The following EXPH5 variants were observed in gnomAD, a reference collection of about 807,000 sequenced individuals.
The protein encoded by EXPH5 is exophilin 5, also known as exophilin-5.
Under a neutral mutation model 41.1 loss-of-function variants are expected in EXPH5, and 42 were observed. That is an observed-to-expected ratio of 1.02 (90% CI 0.80 to 1.32). EXPH5 has a LOEUF of 1.32. Among genes scored for constraint, EXPH5 ranks in the 40% most tolerant of loss-of-function variants. EXPH5 has a pLI of 0.00. For missense variants in EXPH5, 2,298 were observed against 2,314.5 expected (o/e 0.99, Z 0.15); for synonymous variants, 798 against 833.5 (o/e 0.96, Z 0.73).
At chr11:108,533,533 T>C (rs1480009226) in intron 3 of EXPH5, among the ~76,000 whole-genome samples, 1 of 152,134 alleles carries the variant, frequency 6.6e-6, no homozygotes. Flanking sequence ...AATCTGCCCC[T>C]TTTTTTGTTT....
At chr11:108,597,066 C>T (rs2094139848), upstream of EXPH5, among the ~76,000 whole-genome samples, 1 of 152,186 alleles carries the variant, frequency 6.6e-6, no homozygotes, top group Non-Finnish European at 1.5e-5. Flanking sequence ...AGAAATCTCT[C>T]ATAGTCCCCT....
chr11:108,565,189 A>G (rs569188980), intron 1 of EXPH5, among the ~76,000 whole-genome samples: 1 of 152,262 alleles, frequency 6.6e-6, no homozygotes, highest in Admixed American at 6.5e-5. Context: ...TACAAGCATG[A>G]GCCACCATGC....
At position 108,513,895 on chromosome 11, in the gene EXPH5, C is replaced by T. The variant is rs115654729; in HGVS notation, c.1612G>A (p.Gly538Arg). ...TCTTGGCCTCTGGAAACATCTGTTC[C>T]ATAACCAGAAGAAAATGATTCCCAG... The part of the protein sequence containing the change: ...EHWESFSSGY[G>R]TDVSRGQEEP... The change falls in exon 6 of 6, where the codon GGA (glycine) becomes AGA (arginine). Residue 538 changes from glycine (G) to arginine (R), a missense_variant. Gly to Arg is a moderately radical substitution (Grantham distance 125). Coordinates refer to ENST00000265843, the MANE Select transcript of EXPH5 (RefSeq NM_015065.3). 1.7e-4 allele frequency: 266 copies of T among 1,611,388 alleles called. 1 individual carries two copies. The African/African-American group carries it at 3.1e-3, about 19-fold the overall frequency.
chr11:108,573,797 T>C (rs2094070822), intron 1 of EXPH5, among the ~76,000 whole-genome samples: 1 of 152,196 alleles, frequency 6.6e-6, no homozygotes, highest in South Asian at 2.1e-4. Context: ...ATTCTCATCT[T>C]AAAAACAAAA....
At chr11:108,535,593 G>A (rs1281527510) in intron 3 of EXPH5, among the ~76,000 whole-genome samples, 2 of 152,180 alleles carry the variant, frequency 1.3e-5, no homozygotes, top group African/African-American at 4.8e-5. Flanking sequence ...GTAACAGAGA[G>A]AGATCAAGAG....
chr11:108,600,074 G>T, the EXPH5 span, among the ~76,000 whole-genome samples: 1 of 152,182 alleles, frequency 6.6e-6, no homozygotes, highest in Non-Finnish European at 1.5e-5. Context: ...CCTTTCCTAT[G>T]CTTTCCCTTC....
chr11:108,510,223 G>A lies in EXPH5; in HGVS notation c.5284C>T (p.Gln1762Ter). The A allele has an allele frequency of 1.2e-6, 2 of 1,613,764 alleles. No homozygotes were observed. The highest frequency in any genetic ancestry group is 1.7e-6 in the Non-Finnish European group (2 of 1,179,928). Residue 1762 changes from glutamine (Q) to a stop codon, truncating the protein, a stop_gained, in exon 6 of 6, where the codon CAG (glutamine) becomes TAG (stop). Transcript: ENST00000265843. LOFTEE classifies it low-confidence loss of function (END_TRUNC). ...LSPPFPLEPA[Q>*]KSRVSSPLAS... Reference sequence around the variant, plus strand: ...AGTGGACTGCTTACTCTAGATTTCTGTGCAGGCTCCAGTGGAAAAGGAGGG... The same window carrying A: ...AGTGGACTGCTTACTCTAGATTTCTATGCAGGCTCCAGTGGAAAAGGAGGG...
At position 108,590,951 on chromosome 11, in the gene EXPH5, C is replaced by T. The variant is rs541803671; in HGVS notation, c.119+2467G>A. Among the ~76,000 whole-genome samples the T allele has an allele frequency of 1.6e-3, 247 of 152,360 alleles. 1 individual carries two copies. The highest frequency in any genetic ancestry group is 5.8e-3 in the African/African-American group (242 of 41,590). On this transcript the variant is annotated intron_variant, in intron 1 of 5. Coordinates refer to ENST00000265843, the MANE Select transcript of EXPH5 (RefSeq NM_015065.3). ...TACAGGCGTGAGCCACCGGGCCCAG[C>T]CCCAACTATAGGGTGCCTGTATTTC...
chr11:108,569,794 GA>G (rs201426814), intron 1 of EXPH5, among the ~76,000 whole-genome samples: 4 of 151,202 alleles, frequency 2.6e-5, no homozygotes, highest in Middle Eastern at 3.4e-3. Context: ...TCATGATATG[GA>G]AAAAAAAATC....
chr11:108,537,760 G>A (rs2093888375), intron 3 of EXPH5, among the ~76,000 whole-genome samples: 2 of 152,172 alleles, frequency 1.3e-5, no homozygotes, highest in African/African-American at 4.8e-5. Context: ...ATATTAGATG[G>A]TTCAGCTATA....
intron 4 of EXPH5, among the ~76,000 whole-genome samples, chr11:108,522,303 A>C (rs1478814101): frequency 6.6e-6 from 1 of 151,982 alleles, no homozygotes; most frequent in Non-Finnish European, 1.5e-5. Context: ...TATGTGTGAG[A>C]TATTATTATT....
Position 108,510,018 on chromosome 11 carries a change from A to G in EXPH5, c.5489T>C (p.Leu1830Pro), listed in dbSNP as rs1236102749. ...TTCATTCCCAAGGGTCAGTCGACTC[A>G]GGGCATTGTCAATAGAAGTGCTTTC... ...FSESTSIDNA[L>P]SRLTLGNEFS... is the part of the protein sequence containing the mutation. Residue 1830 changes from leucine (L) to proline (P), a missense_variant, in exon 6 of 6, where the codon CTG becomes CCG. Leu to Pro is a moderately conservative substitution (Grantham distance 98, BLOSUM62 -3). Coordinates refer to ENST00000265843, the MANE Select transcript of EXPH5 (RefSeq NM_015065.3). 12 of 1,613,530 alleles carry G rather than the reference A, an allele frequency of 7.4e-6. No individual in the cohort carries two copies. The highest frequency in any genetic ancestry group is 1.3e-5 in the African/African-American group (1 of 74,894).
At chr11:108,568,948 C>T (rs1266625693) in intron 1 of EXPH5, among the ~76,000 whole-genome samples, 1 of 152,158 alleles carries the variant, frequency 6.6e-6, no homozygotes, top group Non-Finnish European at 1.5e-5. Context: ...TGACTCTAAA[C>T]ATTTCAGTGG....
chr11:108,545,893 A>G (rs1438933920), intron 1 of EXPH5, among the ~76,000 whole-genome samples: 1 of 150,192 alleles, frequency 6.7e-6, no homozygotes, highest in Non-Finnish European at 1.5e-5. Context: ...ACAGAGTGAG[A>G]TTTTGTCTAA....
Position 108,572,661 on chromosome 11 carries a change from C to A in EXPH5, c.119+20757G>T, listed in dbSNP as rs577723210. Among the ~76,000 whole-genome samples the A allele has an allele frequency of 2.6e-4, 39 of 152,286 alleles. No individual in the cohort carries two copies. In the South Asian group the frequency reaches 3.9e-3, roughly 15 times the overall value. The stretch of plus-strand genomic sequence containing the variant: ...GCAACCTTTGCCTCCCAGGTTCAAG[C>A]GATTCTCCTGCCTCAGCCTCCCGAA... On this transcript the variant is annotated intron_variant, in intron 1 of 5. Coordinates refer to ENST00000265843, the MANE Select transcript of EXPH5 (RefSeq NM_015065.3).
chr11:108,513,013 C>A lies in EXPH5; in HGVS notation c.2494G>T (p.Glu832Ter). Reference protein sequence around the residue: ...FPRTDQGCHQELTVNNEDISR... With the variant: ...FPRTDQGCHQ ...ATATCTTCATTATTTACAGTTAATT[C>A]CTGGTGACAACCTTGGTCTGTCCTG... The change falls in exon 6 of 6, where the codon GAA becomes TAA. Residue 832 changes from glutamate (E) to a stop codon, truncating the protein, a stop_gained. Transcript: ENST00000265843. LOFTEE classifies it low-confidence loss of function (END_TRUNC). 1 of 1,613,980 alleles carries A rather than the reference C, an allele frequency of 6.2e-7. No individual in the cohort carries two copies. Among genetic ancestry groups the A allele is most frequent in the Non-Finnish European group, 8.5e-7 (1 of 1,179,956 alleles).
rs114567088 is a variant in EXPH5, at chr11:108,509,722, G to T, written c.5785C>A (p.Pro1929Thr). 1.4e-5 allele frequency: 23 copies of T among 1,608,990 alleles called. No individual in the cohort carries two copies. Among genetic ancestry groups the T allele is most frequent in the East Asian group, 1.3e-4 (6 of 44,852 alleles). ...PGFLKDDLRNPPNPSESLSSN... is the reference protein window; with the variant it reads ...PGFLKDDLRNTPNPSESLSSN... ...CTTAATGACTCTGAGGGGTTGGGAG[G>T]GTTCCTCAAATCATCTTTTAGGAAG... is the stretch of plus-strand genomic sequence containing the variant. Residue 1929 changes from proline (P) to threonine (T), a missense_variant, in exon 6 of 6, where the codon CCT becomes ACT. Physicochemically the swap from Pro to Thr is conservative, Grantham distance 38. Transcript: ENST00000265843.
At chr11:108,546,217 T>G (rs1011296838) in intron 1 of EXPH5, among the ~76,000 whole-genome samples, 18 of 151,876 alleles carry the variant, frequency 1.2e-4, no homozygotes, top group African/African-American at 3.9e-4. Flanking sequence ...GCATTAGGCG[T>G]AGGGTTCTGC....
intron 1 of EXPH5, among the ~76,000 whole-genome samples, chr11:108,562,315 G>A (rs1447804594): frequency 2.1e-5 from 3 of 142,340 alleles, no homozygotes; most frequent in South Asian, 2.2e-4. Context: ...ACATCAGGCC[G>A]GGCTGGGTGG....
Sources: allele counts gnomAD v4.1 joint callset (sites outside exome capture counted in the v4.1 genomes callset), GRCh38; gene constraint gnomAD v4.1.1; transcripts MANE v1.5; gene names NCBI Gene and HGNC (gene_info 2026-07-23, HGNC 2026-07-21).